POFUT3: variants seen among roughly 807,000 people sequenced by gnomAD.
POFUT3 encodes GDP-fucose protein O-fucosyltransferase 3.
the POFUT3 span, among the ~76,000 whole-genome samples, chr8:33,383,870 C>T: frequency 6.6e-6 from 1 of 151,638 alleles, no homozygotes; most frequent in Non-Finnish European, 1.5e-5. Flanking sequence ...CTGTAGAGAT[C>T]AATGCCCCAT....
At chr8:33,372,353 G>A in the POFUT3 span, 1 of 1,311,094 alleles carries the variant, frequency 7.6e-7, no homozygotes, top group Admixed American at 3.6e-5. Flanking sequence ...AAGATAACCA[G>A]TGTCCATAAG....
At chr8:33,321,100 T>G in the POFUT3 span, among the ~76,000 whole-genome samples, 1 of 152,206 alleles carries the variant, frequency 6.6e-6, no homozygotes, top group African/African-American at 2.4e-5. Flanking sequence ...TCTCATCCCA[T>G]TATGGCCCCT....
the POFUT3 span, among the ~76,000 whole-genome samples, chr8:33,312,273 GAAAT>G: frequency 1.8e-3 from 261 of 142,758 alleles, 4 homozygotes; most frequent in African/African-American, 7.0e-3. Flanking sequence ...AAAAAAAAAA[GAAAT>G]AGAGAGAGAG....
chr8:33,461,215 G>C, the POFUT3 span, among the ~76,000 whole-genome samples: 1 of 69,306 alleles, frequency 1.4e-5, no homozygotes, highest in African/African-American at 5.2e-5. Flanking sequence ...GGGAGGGAGG[G>C]AGGGAGGGAG....
the POFUT3 span, among the ~76,000 whole-genome samples, chr8:33,348,809 G>A: frequency 1.3e-5 from 2 of 152,162 alleles, no homozygotes; most frequent in Admixed American, 6.5e-5. Context: ...TGCAGGCAGA[G>A]CACAGGGGCA....
the POFUT3 span, among the ~76,000 whole-genome samples, chr8:33,432,238 C>G: frequency 6.6e-6 from 1 of 151,724 alleles, no homozygotes; most frequent in African/African-American, 2.4e-5. Flanking sequence ...GGTGAAACCC[C>G]GTCTCTACTA....
At chr8:33,425,207 G>A in the POFUT3 span, among the ~76,000 whole-genome samples, 1 of 152,096 alleles carries the variant, frequency 6.6e-6, no homozygotes, top group South Asian at 2.1e-4. Flanking sequence ...GGTGGTACAC[G>A]CCTCTAGTCC....
chr8:33,322,837 G>A, the POFUT3 span, among the ~76,000 whole-genome samples: 6 of 152,118 alleles, frequency 3.9e-5, no homozygotes, highest in Admixed American at 1.3e-4. Flanking sequence ...TGGCTGTCTC[G>A]CAGACATGCT....
the POFUT3 span, among the ~76,000 whole-genome samples, chr8:33,366,062 G>T: frequency 6.6e-6 from 1 of 152,182 alleles, no homozygotes. Flanking sequence ...ATACACCATG[G>T]AATACTATGC....
the POFUT3 span, chr8:33,372,870 A>C: frequency 6.9e-7 from 1 of 1,446,316 alleles, no homozygotes; most frequent in Non-Finnish European, 9.5e-7. Context: ...CCCTTAAAGC[A>C]ACAGACTTTC....
chr8:33,440,479 C>T, the POFUT3 span, among the ~76,000 whole-genome samples: 2 of 152,070 alleles, frequency 1.3e-5, no homozygotes, highest in Non-Finnish European at 2.9e-5. Flanking sequence ...CCACTATAAC[C>T]CCCCCGCACC....
At chr8:33,404,337 C>CA in the POFUT3 span, among the ~76,000 whole-genome samples, 354 of 110,848 alleles carry the variant, frequency 3.2e-3, 2 homozygotes, top group East Asian at 7.2e-3. Context: ...GGCTCTGTCT[C>CA]AAAAAAAAAA....
the POFUT3 span, among the ~76,000 whole-genome samples, chr8:33,320,404 G>T: frequency 1.3e-5 from 2 of 151,934 alleles, no homozygotes; most frequent in African/African-American, 4.8e-5. Flanking sequence ...TTAATTCTGG[G>T]GTGTTGACCA....
the POFUT3 span, chr8:33,460,726 A>C: frequency 6.1e-6 from 6 of 985,084 alleles, no homozygotes; most frequent in African/African-American, 1.0e-4. Context: ...TATTTCAATG[A>C]CTTTGTTTCT....
chr8:33,367,310 G>T, the POFUT3 span, among the ~76,000 whole-genome samples: 1 of 152,164 alleles, frequency 6.6e-6, no homozygotes, highest in Admixed American at 6.5e-5. Flanking sequence ...ACAAACAATA[G>T]CATGAGCGAT....
At chr8:33,426,715 C>G in the POFUT3 span, among the ~76,000 whole-genome samples, 18 of 152,352 alleles carry the variant, frequency 1.2e-4, 1 homozygote, top group South Asian at 3.3e-3. Context: ...CCTCCCTCCC[C>G]AGCTCTCCTC....
chr8:33,313,053 G>T, the POFUT3 span, among the ~76,000 whole-genome samples: 1 of 152,080 alleles, frequency 6.6e-6, no homozygotes, highest in Non-Finnish European at 1.5e-5. Context: ...ACTACTCCAG[G>T]CTCTAGGAAT....
the POFUT3 span, among the ~76,000 whole-genome samples, chr8:33,442,419 C>T: frequency 6.6e-6 from 1 of 152,108 alleles, no homozygotes; most frequent in African/African-American, 2.4e-5. Context: ...TCCCAAACAG[C>T]TGGGACTACA....
At chr8:33,430,937 C>A in the POFUT3 span, among the ~76,000 whole-genome samples, 1 of 152,026 alleles carries the variant, frequency 6.6e-6, no homozygotes, top group Admixed American at 6.6e-5. Flanking sequence ...AAACTAGGAA[C>A]ACCTGTATAC....
Sources: allele counts gnomAD v4.1 joint callset (sites outside exome capture counted in the v4.1 genomes callset), GRCh38; gene constraint gnomAD v4.1.1; transcripts MANE v1.5; gene names NCBI Gene and HGNC (gene_info 2026-07-23, HGNC 2026-07-21).